Variants in CHRNB1 observed in about 807,000 individuals in gnomAD.
The protein encoded by CHRNB1 is acetylcholine receptor subunit beta.
CHRNB1 carries 47 observed loss-of-function variants against 53.8 expected under a neutral mutation model. The observed-to-expected ratio is 0.87, with a 90% CI of 0.69 to 1.11. The LOEUF is 1.11. CHRNB1 is among the 50% of genes most tolerant of loss of function. The pLI is 0.00. For synonymous variants in CHRNB1, 259 were observed against 263.5 expected (o/e 0.98, Z 0.16); for missense variants, 605 against 654.9 (o/e 0.92, Z 0.83).
rs1203117367 is a variant in CHRNB1 at position 7,447,634 on chromosome 17, T to C, written c.594T>C (p.His198=). ...AAGGGCATCAGGAAATCCACATTCA[T>C]GAAGGGACTTTCATTGGTGAGTAGG... ...DGQGHQEIHI[H]EGTFIENGQW... The change falls in exon 6 of 11, where the codon CAT becomes CAC. Residue 198 remains histidine, a synonymous_variant. Transcript: ENST00000306071. The C allele has an allele frequency of 1.2e-6, 2 of 1,614,206 alleles. No individual in the cohort carries two copies. The highest frequency in any genetic ancestry group is 1.7e-5 in the Admixed American group (1 of 60,020).
Position 7,456,679 on chromosome 17 carries a change from C to T in CHRNB1, c.1462C>T (p.Leu488=). The T allele has an allele frequency of 6.2e-7, 1 of 1,614,180 alleles. No individual in the cohort carries two copies. The highest frequency in any genetic ancestry group is 8.5e-7 in the Non-Finnish European group (1 of 1,180,044). The part of the protein sequence containing the change: ...FTSVGTLVIF[L]DATYHLPPPD... Reference sequence around the variant, plus strand: ...CAGCGTTGGGACCCTAGTCATCTTCCTGGACGCCACGTACCACTTGCCCCC... The same window carrying T: ...CAGCGTTGGGACCCTAGTCATCTTCTTGGACGCCACGTACCACTTGCCCCC... The change falls in exon 11 of 11, where the codon CTG becomes TTG. Residue 488 remains leucine (L), a synonymous_variant. Coordinates refer to ENST00000306071, the MANE Select transcript of CHRNB1 (RefSeq NM_000747.3).
chr17:7,454,379 C>T lies in CHRNB1; in HGVS notation c.903C>T (p.Thr301=), dbSNP rs117168441. 173 of 1,614,144 alleles carry T rather than the reference C, an allele frequency of 1.1e-4. 2 individuals are homozygous for T. In the East Asian group the frequency reaches 3.3e-3, roughly 31 times the overall value. Residue 301 remains threonine, a synonymous_variant, in exon 8 of 11, where the codon ACC becomes ACT. Coordinates refer to ENST00000306071, the MANE Select transcript of CHRNB1 (RefSeq NM_000747.3). ...TGCTGGCTGACAAAGTACCTGAGAC[C>T]TCACTATCAGTACCCATTATTATCA... The part of the protein sequence containing the change: ...LLLLADKVPE[T]SLSVPIIIKY...
At position 7,447,604 on chromosome 17, in the gene CHRNB1, C is replaced by G; in HGVS notation, c.564C>G (p.Asp188Glu). The change falls in exon 6 of 11, where the codon GAC becomes GAG. Residue 188 changes from aspartate (D) to glutamate (E), a missense_variant. Physicochemically the swap from Asp to Glu is conservative, Grantham distance 45. Coordinates refer to ENST00000306071, the MANE Select transcript of CHRNB1 (RefSeq NM_000747.3). The part of the protein sequence containing the change: ...EVSLQTGLGP[D>E]GQGHQEIHIH... ...GCCTGCAGACAGGCCTGGGTCCTGACGGGCAAGGGCATCAGGAAATCCACA... is the reference window on the plus strand; with the variant it reads ...GCCTGCAGACAGGCCTGGGTCCTGAGGGGCAAGGGCATCAGGAAATCCACA... The G allele has an allele frequency of 3.7e-6, 6 of 1,614,190 alleles. No individual in the cohort carries two copies. Among genetic ancestry groups the G allele is most frequent in the Non-Finnish European group, 5.1e-6 (6 of 1,180,026 alleles).
At chr17:7,456,037 G>GA in intron 10 of CHRNB1, 96 bp downstream of exon 10, 1 of 775,700 alleles carries the variant, frequency 1.3e-6, no homozygotes, top group Non-Finnish European at 1.9e-6. Flanking sequence ...TTTTTGTGTG[G>GA]TTTTTTTTTG....
At position 7,446,901 on chromosome 17, in the gene CHRNB1, G is replaced by C. The variant is rs771326232; in HGVS notation, c.312G>C (p.Thr104=). The C allele has an allele frequency of 5.6e-6, 9 of 1,613,992 alleles. No individual in the cohort carries two copies. Among genetic ancestry groups the C allele is most frequent in the Middle Eastern group, 1.7e-4 (1 of 6,056 alleles). Reference sequence around the variant, plus strand: ...ACGGCATCGATTCGCTCCGCATCACGGCGGAATCCGTGTGGCTCCCTGACG... The same window carrying C: ...ACGGCATCGATTCGCTCCGCATCACCGCGGAATCCGTGTGGCTCCCTGACG... ...EHDGIDSLRI[T]AESVWLPDVV... The change falls in exon 4 of 11, where the codon ACG becomes ACC. Residue 104 remains threonine (T), a synonymous_variant. Transcript: ENST00000306071.
At position 7,448,570 on chromosome 17, in the gene CHRNB1, C is replaced by T. The variant is rs538827412; in HGVS notation, c.611-9C>T. ...ACATCTGTGTTCCCCTCCTTCTGCT[C>T]ATCCCCAGAGAATGGCCAGTGGGAG... On this transcript the variant is annotated splice_polypyrimidine_tract_variant and intron_variant, in intron 6 of 10. Coordinates refer to ENST00000306071, the MANE Select transcript of CHRNB1 (RefSeq NM_000747.3). 707 of 1,613,908 alleles carry T rather than the reference C, an allele frequency of 4.4e-4. 8 individuals are homozygous for T. In the South Asian group the frequency reaches 7.4e-3, roughly 17 times the overall value.
Position 7,454,350 on chromosome 17 carries a change from C to T in CHRNB1, c.874C>T (p.Leu292=), listed in dbSNP as rs755060667. Residue 292 remains leucine (L), a synonymous_variant, in exon 8 of 11, where the codon CTG becomes TTG. Transcript: ENST00000306071. ...CCTGCTGACCCTTACTGTGTTCCTG[C>T]TGCTGCTGGCTGACAAAGTACCTGA... ...FALLTLTVFL[L]LLADKVPETS... is the part of the protein sequence containing the mutation. 5 of 1,614,142 alleles carry T rather than the reference C, an allele frequency of 3.1e-6. 1 individual carries two copies. Among genetic ancestry groups the T allele is most frequent in the Non-Finnish European group, 4.2e-6 (5 of 1,180,018 alleles).
rs2069939028 is a variant in CHRNB1, at chr17:7,455,416, C to T, written c.1177C>T (p.Arg393Trp). 4 of 1,614,134 alleles carry T rather than the reference C, an allele frequency of 2.5e-6. No individual in the cohort carries two copies. The highest frequency in any genetic ancestry group is 3.3e-4 in the Middle Eastern group (2 of 6,050). Residue 393 changes from arginine (R) to tryptophan (W), a missense_variant, in exon 9 of 11, where the codon CGG becomes TGG. Coordinates refer to ENST00000306071, the MANE Select transcript of CHRNB1 (RefSeq NM_000747.3). ...WGRGTDEYFI[R>W]KPPSDFLFPK... ...TCGGGGAACAGATGAATATTTCATC[C>T]GGAAGCCGCCAAGTGATTTTCTCTT...
In CHRNB1 at chr17:7,446,911, G is replaced by C; in HGVS notation, c.322G>C (p.Val108Leu). 3.1e-6 allele frequency: 5 copies of C among 1,613,904 alleles called. No individual in the cohort carries two copies. The highest frequency in any genetic ancestry group is 4.2e-6 in the Non-Finnish European group (5 of 1,179,976). ...IDSLRITAES[V>L]WLPDVVLLNN... ...TTCGCTCCGCATCACGGCGGAATCCGTGTGGCTCCCTGACGTGGTGCTACT... is the reference window on the plus strand; with the variant it reads ...TTCGCTCCGCATCACGGCGGAATCCCTGTGGCTCCCTGACGTGGTGCTACT... The change falls in exon 4 of 11, where the codon GTG (valine) becomes CTG (leucine). Residue 108 changes from valine to leucine, a missense_variant. By Grantham distance (32) the Val-to-Leu change is conservative. Coordinates refer to ENST00000306071, the MANE Select transcript of CHRNB1 (RefSeq NM_000747.3).
intron 10 of CHRNB1, 56 bp downstream of exon 10, chr17:7,455,997 C>T: frequency 6.7e-7 from 1 of 1,500,546 alleles, no homozygotes; most frequent in Non-Finnish European, 9.2e-7. Context: ...GCCCCACCCC[C>T]AAATTCCGCA....
chr17:7,454,151 C>G (rs1908986834), intron 7 of CHRNB1, 146 bp from the exon 8 acceptor site: 1 of 749,916 alleles, frequency 1.3e-6, no homozygotes, highest in East Asian at 2.7e-5. Context: ...CTTGGCCTCC[C>G]AAAGTGCCAG....
chr17:7,449,364 A>G (rs1009789243), intron 7 of CHRNB1, among the ~76,000 whole-genome samples: 3 of 149,306 alleles, frequency 2.0e-5, no homozygotes, highest in African/African-American at 7.4e-5. Context: ...CGGCCTCCCA[A>G]AGTGCTGGGA....
chr17:7,445,448 CG>C lies in CHRNB1; in HGVS notation c.198+41del, dbSNP rs1908566685. On this transcript the variant is annotated intron_variant, in intron 2 of 10. Transcript: ENST00000306071. The surrounding 1 kb of genome is among the most constrained non-coding windows in gnomAD (Gnocchi z 5.7). ...GGGGGTGGAGGTCAGGCCAGCCGACCGGCCGGGGGCGTGGCTTTAGGCAAGG... is the reference window on the plus strand; with the variant it reads ...GGGGGTGGAGGTCAGGCCAGCCGACCGCCGGGGGCGTGGCTTTAGGCAAGG... 3.8e-6 allele frequency: 6 copies of C among 1,598,470 alleles called. 1 individual carries two copies. Among genetic ancestry groups the C allele is most frequent in the South Asian group, 3.3e-5 (3 of 89,734 alleles).
rs745689645 is a variant in CHRNB1 at position 7,455,464 on chromosome 17, T to C, written c.1217+8T>C. ...CTTCCCCAAACCCAATAGGTAGGAC[T>C]ACGCCCGTTACCCACATAAGAGGGA... On this transcript the variant is annotated splice_region_variant and intron_variant, in intron 9 of 10. Transcript: ENST00000306071. 6.2e-7 allele frequency: 1 copy of C among 1,613,970 alleles called. No individual in the cohort carries two copies. The highest frequency in any genetic ancestry group is 2.2e-5 in the East Asian group (1 of 44,872).
At chr17:7,456,425 C>T (rs534010522) in intron 10 of CHRNB1, among the ~76,000 whole-genome samples, 158 bp from the exon 11 acceptor site, 125 of 152,166 alleles carry the variant, frequency 8.2e-4, no homozygotes, top group Non-Finnish European at 1.3e-3. Context: ...TTCTTTATGC[C>T]CATGCATTGC....
chr17:7,446,300 ATT>A (rs1390960090), intron 3 of CHRNB1, 187 bp downstream of exon 3: 13 of 521,210 alleles, frequency 2.5e-5, no homozygotes, highest in Admixed American at 5.5e-5. Context: ...TTTAATTCCA[ATT>A]TTGTGTGTGT....
chr17:7,456,265 G>T (rs1038358016), intron 10 of CHRNB1, among the ~76,000 whole-genome samples: 3 of 151,992 alleles, frequency 2.0e-5, no homozygotes, highest in Non-Finnish European at 2.9e-5. Context: ...TGTTGGCCAG[G>T]CTGGTCTGAA....
In CHRNB1 at chr17:7,456,598, C is replaced by T; in HGVS notation, c.1381C>T (p.Gln461Ter). 6.2e-7 allele frequency: 1 copy of T among 1,614,108 alleles called. No individual in the cohort carries two copies. The highest frequency in any genetic ancestry group is 8.5e-7 in the Non-Finnish European group (1 of 1,180,026). ...EDHDALKEDW[Q>*]FVAMVVDRLF... is the part of the protein sequence containing the mutation. ...CTACCCACAGCTGAAGGAGGACTGG[C>T]AGTTTGTGGCCATGGTAGTGGACCG... The change falls in exon 11 of 11, where the codon CAG becomes TAG. Residue 461 changes from glutamine (Q) to a stop codon, truncating the protein, a stop_gained. Coordinates refer to ENST00000306071, the MANE Select transcript of CHRNB1 (RefSeq NM_000747.3). LOFTEE classifies it high-confidence loss of function.
chr17:7,445,463 C>A lies in CHRNB1; in HGVS notation c.198+54C>A. The A allele has an allele frequency of 6.3e-7, 1 of 1,593,900 alleles. No individual in the cohort carries two copies. The highest frequency in any genetic ancestry group is 1.7e-5 in the Admixed American group (1 of 58,032). On this transcript the variant is annotated intron_variant, in intron 2 of 10. Transcript: ENST00000306071. This position sits in a 1 kb window ranked among gnomAD's most constrained non-coding sequence, Gnocchi z 5.7. Reference sequence around the variant, plus strand: ...GCCAGCCGACCGGCCGGGGGCGTGGCTTTAGGCAAGGCCGGACCAGGGACA... The same window carrying A: ...GCCAGCCGACCGGCCGGGGGCGTGGATTTAGGCAAGGCCGGACCAGGGACA...
Sources: allele counts gnomAD v4.1 joint callset (sites outside exome capture counted in the v4.1 genomes callset), GRCh38; gene constraint gnomAD v4.1.1; non-coding constraint Gnocchi (gnomAD v3.1); transcripts MANE v1.5; gene names NCBI Gene and HGNC (gene_info 2026-07-23, HGNC 2026-07-21).